The following COL8A1 variants were observed in gnomAD, a reference collection of about 807,000 sequenced individuals.
COL8A1 encodes collagen alpha-1(VIII) chain.
COL8A1 carries 21 observed loss-of-function variants against 42.7 expected under a neutral mutation model. The ratio of observed to expected loss-of-function variants is 0.49; its 90% CI spans 0.35 to 0.71. The LOEUF is 0.71. Among genes scored for constraint, COL8A1 ranks in the 30% least tolerant of loss-of-function variants. The pLI is 0.01. For synonymous variants in COL8A1, 367 were observed against 369.1 expected (o/e 0.99, Z 0.06); for missense variants, 788 against 962.4 (o/e 0.82, Z 2.40).
intron 1 of COL8A1, among the ~76,000 whole-genome samples, chr3:99,715,135 T>C (rs2107361867): frequency 6.6e-6 from 1 of 152,122 alleles, no homozygotes; most frequent in Middle Eastern, 3.4e-3. Context: ...CACCAAAATG[T>C]CATTGAAAGA....
chr3:99,756,513 T>C (rs1941255896), intron 2 of COL8A1, among the ~76,000 whole-genome samples: 2 of 152,178 alleles, frequency 1.3e-5, no homozygotes, highest in African/African-American at 4.8e-5. Flanking sequence ...ATATGAATAA[T>C]AGAAGCTTAG....
intron 1 of COL8A1, among the ~76,000 whole-genome samples, chr3:99,680,625 A>G (rs6767672): frequency 0.68 from 102,744 of 151,878 alleles, 35,175 homozygotes; most frequent in East Asian, 0.8. Context: ...GTGTAAAAGT[A>G]TTCCTATTTC....
At chr3:99,688,416 C>T (rs979712372) in intron 1 of COL8A1, among the ~76,000 whole-genome samples, 6 of 152,228 alleles carry the variant, frequency 3.9e-5, no homozygotes, top group East Asian at 1.9e-4. Flanking sequence ...AACTTCAGAG[C>T]GCATCGTTCC....
At chr3:99,758,802 T>G (rs1238363820) in intron 2 of COL8A1, among the ~76,000 whole-genome samples, 1 of 152,100 alleles carries the variant, frequency 6.6e-6, no homozygotes, top group Admixed American at 6.6e-5. Context: ...AAACCTTAAT[T>G]CCCTGCACCT....
chr3:99,769,696 G>A (rs963778492), intron 2 of COL8A1, among the ~76,000 whole-genome samples: 4 of 152,314 alleles, frequency 2.6e-5, no homozygotes, highest in African/African-American at 9.6e-5. Context: ...CAAGGCGGGT[G>A]GATCACGAGG....
chr3:99,723,197 T>A (rs1301069750), intron 1 of COL8A1, among the ~76,000 whole-genome samples: 1 of 152,112 alleles, frequency 6.6e-6, no homozygotes, highest in Non-Finnish European at 1.5e-5. Context: ...CAAAGGAATT[T>A]AAGTTAGATG....
chr3:99,782,335 T>C (rs370504196), intron 2 of COL8A1, among the ~76,000 whole-genome samples: 1 of 152,140 alleles, frequency 6.6e-6, no homozygotes, highest in East Asian at 1.9e-4. Context: ...ATGAGATTGA[T>C]CTAACTTTCT....
intron 1 of COL8A1, among the ~76,000 whole-genome samples, chr3:99,700,106 A>G (rs518138): frequency 0.67 from 101,502 of 151,878 alleles, 34,388 homozygotes; most frequent in East Asian, 0.8. Context: ...ACCCCCAAGT[A>G]ATATAGAAAC....
intron 1 of COL8A1, among the ~76,000 whole-genome samples, chr3:99,719,840 C>G (rs1244278332): frequency 6.6e-6 from 1 of 152,098 alleles, no homozygotes; most frequent in African/African-American, 2.4e-5. Flanking sequence ...TAGATTCTAA[C>G]AGCAGTGAGG....
chr3:99,780,583 G>A (rs1941775947), intron 2 of COL8A1, among the ~76,000 whole-genome samples: 1 of 152,130 alleles, frequency 6.6e-6, no homozygotes, highest in African/African-American at 2.4e-5. Context: ...CACACTCTAA[G>A]TCCTAAGAAA....
At chr3:99,640,843 C>T (rs1353078719) in intron 1 of COL8A1, among the ~76,000 whole-genome samples, 2 of 152,128 alleles carry the variant, frequency 1.3e-5, no homozygotes, top group Non-Finnish European at 2.9e-5. Context: ...GGATACTTCA[C>T]GTGAGTCTCC....
At chr3:99,760,326 C>A (rs1185842683) in intron 2 of COL8A1, among the ~76,000 whole-genome samples, 3 of 152,154 alleles carry the variant, frequency 2.0e-5, no homozygotes, top group Non-Finnish European at 2.9e-5. Context: ...TGAGGCTTAG[C>A]ATGAAACTTG....
At chr3:99,772,664 A>G (rs793484) in intron 2 of COL8A1, among the ~76,000 whole-genome samples, 77,793 of 151,940 alleles carry the variant, frequency 0.51, 20,152 homozygotes, top group East Asian at 0.67. Flanking sequence ...GGCAGAATGA[A>G]ATAAAATTAG....
At chr3:99,776,970 G>C (rs1236010943) in intron 2 of COL8A1, among the ~76,000 whole-genome samples, 1 of 152,216 alleles carries the variant, frequency 6.6e-6, no homozygotes, top group East Asian at 1.9e-4. Flanking sequence ...GAGCAGAGAG[G>C]AGGGCCAGAG....
chr3:99,773,903 GATGCAATCT>G (rs1321968053), intron 2 of COL8A1, among the ~76,000 whole-genome samples: 1 of 127,136 alleles, frequency 7.9e-6, no homozygotes, highest in Non-Finnish European at 1.6e-5. Flanking sequence ...GGAATGTAGT[GATGCAATCT>G]TGGCCCACTG....
chr3:99,678,844 A>G (rs1938780395), intron 1 of COL8A1: 1 of 152,208 alleles, frequency 6.6e-6, no homozygotes, highest in Non-Finnish European at 1.5e-5. Flanking sequence ...ATATAAGACA[A>G]TTCATTCAAA....
intron 2 of COL8A1, among the ~76,000 whole-genome samples, chr3:99,770,773 C>T (rs984403314): frequency 2.0e-5 from 3 of 152,068 alleles, no homozygotes; most frequent in African/African-American, 4.8e-5. Flanking sequence ...GGAAACAGCG[C>T]GGTGATAAGA....
intron 1 of COL8A1, among the ~76,000 whole-genome samples, chr3:99,730,498 A>G (rs1940472281): frequency 3.9e-5 from 6 of 152,130 alleles, no homozygotes; most frequent in Admixed American, 3.9e-4. Context: ...TGCACCCCAG[A>G]GTGAATGATA....
intron 1 of COL8A1, among the ~76,000 whole-genome samples, chr3:99,674,313 G>A (rs1248493392): frequency 6.6e-6 from 1 of 151,818 alleles, no homozygotes; most frequent in African/African-American, 2.4e-5. Flanking sequence ...AACATGCCTG[G>A]CAAGGAATGC....
Sources: allele counts gnomAD v4.1 joint callset (sites outside exome capture counted in the v4.1 genomes callset), GRCh38; gene constraint gnomAD v4.1.1; transcripts MANE v1.5; gene names NCBI Gene and HGNC (gene_info 2026-07-23, HGNC 2026-07-21).